The following STAU1 variants were observed in gnomAD, a reference collection of about 807,000 sequenced individuals.
The protein encoded by STAU1 is double-stranded RNA-binding protein Staufen homolog 1.
In STAU1, 13 loss-of-function variants were observed where a neutral mutation model predicts 62.9. That is an observed-to-expected ratio of 0.21 (90% confidence interval 0.13 to 0.33). The LOEUF is 0.33. Ranked by LOEUF, STAU1 falls within the 10% of genes least tolerant of loss-of-function variation. The pLI, the probability that STAU1 is intolerant of heterozygous loss-of-function variation, is 1.00. For synonymous variants in STAU1, 269 were observed against 265.1 expected (o/e 1.01, Z -0.14); for missense variants, 571 against 712.1 (o/e 0.80, Z 2.25).
chr20:49,126,875 GA>G lies in STAU1; in HGVS notation c.610-2289del, dbSNP rs57532090. Among the ~76,000 whole-genome samples the G allele has an allele frequency of 1.7e-3, 252 of 150,290 alleles. 1 individual carries two copies. The highest frequency in any genetic ancestry group is 5.9e-3 in the African/African-American group (240 of 40,986). ...TCTGCATGGAGCGGGGTGGGGGGAA[GA>G]AAAAAAAATCAAACCATGATCTCTA... On this transcript the variant is annotated intron_variant, in intron 6 of 13. Transcript: ENST00000371856.
chr20:49,151,595 G>T lies in STAU1; in HGVS notation c.497C>A (p.Pro166Gln). 1 of 1,607,600 alleles carries T rather than the reference G, an allele frequency of 6.2e-7. No individual in the cohort carries two copies. The highest frequency in any genetic ancestry group is 8.5e-7 in the Non-Finnish European group (1 of 1,177,464). ...TCAACTCCTCACCTCCAGCCTCTCT[G>T]GCAGGGGCTCATTCTGCAGGATCCT... ...ALRILQNEPL[P>Q]ERLEVNGRES... The change falls in exon 5 of 14, where the codon CCA becomes CAA. Residue 166 changes from proline (P) to glutamine (Q), a missense_variant. Coordinates refer to ENST00000371856, the MANE Select transcript of STAU1 (RefSeq NM_017453.4).
chr20:49,206,608 C>T, the STAU1 span, among the ~76,000 whole-genome samples: 3 of 145,742 alleles, frequency 2.1e-5, no homozygotes, highest in Admixed American at 7.0e-5. Context: ...CTCCTGGGCT[C>T]GAGTGAACCG....
chr20:49,160,159 G>GT (rs2093426516), intron 3 of STAU1, among the ~76,000 whole-genome samples: 1 of 152,158 alleles, frequency 6.6e-6, no homozygotes, highest in Admixed American at 6.5e-5. Context: ...CAACAAAAAA[G>GT]TAGTAACTTG....
In STAU1 at chr20:49,153,900, A is replaced by C. The variant is rs769253122; in HGVS notation, c.344+33T>G. 2.7e-6 allele frequency: 4 copies of C among 1,478,554 alleles called. No homozygotes were observed. In the African/African-American group the frequency reaches 7.8e-5, roughly 29 times the overall value. The allele number at this position is 1,478,554 out of a possible 1,614,324, so 91.6% of individuals were successfully genotyped here. ...AAAGATCAGACACGTTTTCTCCTGT[A>C]TTTTACAAAAAAAAAAAAAAAAAAA... On this transcript the variant is annotated intron_variant, in intron 4 of 13. Transcript: ENST00000371856.
chr20:49,137,623 G>A (rs971988736), intron 5 of STAU1, among the ~76,000 whole-genome samples: 4 of 151,972 alleles, frequency 2.6e-5, no homozygotes, highest in African/African-American at 9.7e-5. Flanking sequence ...GATTTTATCT[G>A]TTGTGCATTT....
intron 1 of STAU1, among the ~76,000 whole-genome samples, chr20:49,184,396 G>A (rs1364999809): frequency 6.6e-6 from 1 of 152,100 alleles, no homozygotes; most frequent in East Asian, 1.9e-4. Context: ...GACATCCACT[G>A]CAGAAAGCAC....
chr20:49,195,898 C>CAAAAAAAAAAAAAAAAAAAAAAAA, the STAU1 span, among the ~76,000 whole-genome samples: 9 of 33,852 alleles, frequency 2.7e-4, no homozygotes, highest in Non-Finnish European at 4.1e-4. Context: ...AACTTCCTCT[C>CAAAAAAAAAAAAAAAAAAAAAAAA]AAAAAAAAAA....
intron 6 of STAU1, among the ~76,000 whole-genome samples, chr20:49,131,975 T>TA (rs1028987960): frequency 4.0e-5 from 6 of 151,874 alleles, no homozygotes; most frequent in African/African-American, 1.5e-4. Flanking sequence ...ATTTTTGAAG[T>TA]AAAAAATTGA....
chr20:49,121,458 C>T (rs1298693958), intron 8 of STAU1, among the ~76,000 whole-genome samples: 6 of 152,140 alleles, frequency 3.9e-5, no homozygotes, highest in Admixed American at 1.3e-4. Flanking sequence ...ATGCTACAAC[C>T]AAAATCTCAA....
upstream of STAU1, among the ~76,000 whole-genome samples, chr20:49,188,799 G>T (rs1342719594): frequency 6.6e-6 from 1 of 152,184 alleles, no homozygotes; most frequent in African/African-American, 2.4e-5. Flanking sequence ...ATTGCTCCAA[G>T]AGCTAAGAAT....
the STAU1 span, among the ~76,000 whole-genome samples, chr20:49,195,898 C>CAAAAA: frequency 3.0e-5 from 1 of 33,864 alleles, no homozygotes; most frequent in Non-Finnish European, 5.1e-5. Context: ...AACTTCCTCT[C>CAAAAA]AAAAAAAAAA....
chr20:49,159,214 T>A (rs2093413682), intron 3 of STAU1: 9 of 991,650 alleles, frequency 9.1e-6, no homozygotes, highest in Non-Finnish European at 1.1e-5. Flanking sequence ...ACTTTCCCCA[T>A]CCGGTGCTAC....
rs903192673 is a variant in STAU1, at chr20:49,139,951, C to T, written c.511-4020G>A. On this transcript the variant is annotated intron_variant, in intron 5 of 13. Coordinates refer to ENST00000371856, the MANE Select transcript of STAU1 (RefSeq NM_017453.4). ...CTGTAATCCCAGCACTTTGGGAGGC[C>T]GAGGCAGGCGGATCACCTGAGGTCA... Among the ~76,000 whole-genome samples, 92 of 151,784 alleles carry T rather than the reference C, an allele frequency of 6.1e-4. 1 individual carries two copies. The highest frequency in any genetic ancestry group is 5.6e-3 in the Admixed American group (86 of 15,230).
chr20:49,133,637 G>C (rs2092804027), intron 6 of STAU1, among the ~76,000 whole-genome samples: 1 of 152,190 alleles, frequency 6.6e-6, no homozygotes, highest in Non-Finnish European at 1.5e-5. Context: ...CTGATGGAGG[G>C]AGAAAGGCCA....
At chr20:49,182,855 ATAG>A (rs2093743230) in intron 1 of STAU1, among the ~76,000 whole-genome samples, 1 of 148,778 alleles carries the variant, frequency 6.7e-6, no homozygotes, top group Non-Finnish European at 1.5e-5. Context: ...AAAAAAAAAA[ATAG>A]TAGACGGTGT....
At chr20:49,157,468 C>T (rs1047626330) in intron 3 of STAU1, among the ~76,000 whole-genome samples, 2 of 150,104 alleles carry the variant, frequency 1.3e-5, no homozygotes, top group Non-Finnish European at 1.5e-5. Context: ...CACACACCAC[C>T]ATACTTGGCT....
the STAU1 span, among the ~76,000 whole-genome samples, chr20:49,217,994 C>T: frequency 6.6e-6 from 1 of 151,286 alleles, no homozygotes; most frequent in East Asian, 2.0e-4. Flanking sequence ...CTGCTTCAGC[C>T]TCCCGAGTAG....
chr20:49,196,712 C>A, the STAU1 span, among the ~76,000 whole-genome samples: 1 of 149,816 alleles, frequency 6.7e-6, no homozygotes, highest in Non-Finnish European at 1.5e-5. Context: ...CTGCAGGCTG[C>A]AGTGAACAGA....
chr20:49,134,434 G>GAAAAAAAAAAAACAAAAAAAAAA (rs2092827130), intron 6 of STAU1: 1 of 361,966 alleles, frequency 2.8e-6, no homozygotes, highest in African/African-American at 2.7e-5. Flanking sequence ...TCATCTCAGG[G>GAAAAAAAAAAAACAAAAAAAAAA]AAAAAAAAAA....
Sources: allele counts gnomAD v4.1 joint callset (sites outside exome capture counted in the v4.1 genomes callset), GRCh38; gene constraint gnomAD v4.1.1; transcripts MANE v1.5; gene names NCBI Gene and HGNC (gene_info 2026-07-23, HGNC 2026-07-21).